The following NUBPL variants were observed in gnomAD, a reference collection of about 807,000 sequenced individuals.
NUBPL encodes NUBP iron-sulfur cluster assembly factor, mitochondrial, also known as iron-sulfur cluster transfer protein NUBPL.
Under a neutral mutation model 45.7 loss-of-function variants are expected in NUBPL, and 31 were observed. That is an observed-to-expected ratio of 0.68 (90% CI 0.51 to 0.92). NUBPL has a LOEUF of 0.92. Ranked by LOEUF, NUBPL falls within the 40% of genes least tolerant of loss-of-function variation. The pLI is 0.00. For synonymous variants in NUBPL, 144 were observed against 140.9 expected, an observed-to-expected ratio of 1.02 and a Z score of -0.15; for missense variants, 401 against 398.7, an observed-to-expected ratio of 1.01 and a Z score of -0.05.
At chr14:31,788,075 A>G (rs936427757) in intron 7 of NUBPL, among the ~76,000 whole-genome samples, 3 of 151,974 alleles carry the variant, frequency 2.0e-5, no homozygotes, top group Non-Finnish European at 2.9e-5. Context: ...GACTTTTGTT[A>G]CTAGGAAGAG....
rs2040111300 is a variant in NUBPL at position 31,826,722 on chromosome 14, T to G, written c.693+8T>G. The G allele has an allele frequency of 6.2e-7, 1 of 1,611,668 alleles. No homozygotes were observed. The highest frequency in any genetic ancestry group is 1.1e-5 in the South Asian group (1 of 91,024). ...CGCAGAGTCCACGTGCCCGTAAGCG[T>G]TTACAGCTTCACTGTGAAAAATATA... On this transcript the variant is annotated splice_region_variant and intron_variant, in intron 8 of 10. Coordinates refer to ENST00000281081, the MANE Select transcript of NUBPL (RefSeq NM_025152.3).
chr14:31,733,924 A>G (rs1242334178), intron 6 of NUBPL, among the ~76,000 whole-genome samples: 1 of 152,176 alleles, frequency 6.6e-6, no homozygotes, highest in African/African-American at 2.4e-5. Flanking sequence ...GACATCATCC[A>G]TCAGCTTCAG....
chr14:31,855,875 T>G (rs768092385), intron 10 of NUBPL, among the ~76,000 whole-genome samples: 2 of 152,186 alleles, frequency 1.3e-5, no homozygotes, highest in African/African-American at 2.4e-5. Flanking sequence ...TTTGACAAAA[T>G]TATTTACCTT....
intron 2 of NUBPL, among the ~76,000 whole-genome samples, chr14:31,563,720 G>A (rs1301425133): frequency 1.3e-5 from 2 of 152,170 alleles, no homozygotes; most frequent in African/African-American, 2.4e-5. Context: ...ATGCAAATAT[G>A]CTCAGTGATT....
At position 31,828,228 on chromosome 14, in the gene NUBPL, G is replaced by A. The variant is rs1326804255; in HGVS notation, c.693+1514G>A. On this transcript the variant is annotated intron_variant, in intron 8 of 10. Transcript: ENST00000281081. ...CTCTAAAGCACCTAATTTGAGCAGT[G>A]TTACTTTGTATTATGCCCTCTAAGA... is the stretch of plus-strand genomic sequence containing the variant. 2.0e-5 allele frequency among the ~76,000 whole-genome samples: 3 copies of A among 152,272 alleles called. No individual in the cohort carries two copies. The East Asian group carries it at 5.8e-4, about 29-fold the overall frequency.
intron 6 of NUBPL, among the ~76,000 whole-genome samples, chr14:31,754,484 A>G (rs2038604394): frequency 6.6e-6 from 1 of 152,120 alleles, no homozygotes. Flanking sequence ...CTGTAGGAGA[A>G]ACAACCCAGT....
At chr14:31,562,005 TTACAGTG>T in intron 1 of NUBPL, 56 bp from the exon 2 acceptor site, 1 of 1,520,746 alleles carries the variant, frequency 6.6e-7, no homozygotes, top group Non-Finnish European at 8.9e-7. Context: ...GTTTTTGCTT[TTACAGTG>T]TGATGATGGA....
At chr14:31,708,645 G>A (rs2037504579) in intron 6 of NUBPL, among the ~76,000 whole-genome samples, 1 of 152,210 alleles carries the variant, frequency 6.6e-6, no homozygotes, top group African/African-American at 2.4e-5. Flanking sequence ...AGTCGTCCAG[G>A]ACAGGAGATT....
At chr14:31,585,253 A>G (rs1224330667) in intron 3 of NUBPL, among the ~76,000 whole-genome samples, 1 of 152,208 alleles carries the variant, frequency 6.6e-6, no homozygotes, top group Non-Finnish European at 1.5e-5. Context: ...AAAATCACAA[A>G]AAAATCTTAT....
chr14:31,623,589 C>CT lies in NUBPL; in HGVS notation c.382+24217dup, dbSNP rs148973472. 7.4e-3 allele frequency among the ~76,000 whole-genome samples: 1,134 copies of CT among 152,216 alleles called. 20 individuals are homozygous for CT. Among genetic ancestry groups the CT allele is most frequent in the African/African-American group, 0.026 (1,065 of 41,526 alleles). On this transcript the variant is annotated intron_variant, in intron 4 of 10. Transcript: ENST00000281081. ...TGAGTGAGCCCCTGTCTCTTTCTTTCTTTTTTTGCTGCCATGTAGGACGTG... is the reference window on the plus strand; with the variant it reads ...TGAGTGAGCCCCTGTCTCTTTCTTTCTTTTTTTTGCTGCCATGTAGGACGTG...
intron 3 of NUBPL, among the ~76,000 whole-genome samples, chr14:31,576,322 C>A (rs2033715299): frequency 1.3e-5 from 2 of 152,106 alleles, no homozygotes; most frequent in Non-Finnish European, 2.9e-5. Context: ...AGTGCAGTAG[C>A]ATGATTATAG....
At chr14:31,745,621 G>A (rs1457339824) in intron 6 of NUBPL, among the ~76,000 whole-genome samples, 1 of 151,782 alleles carries the variant, frequency 6.6e-6, no homozygotes, top group Non-Finnish European at 1.5e-5. Context: ...ACTGATTTTT[G>A]TATGTTGATT....
At chr14:31,688,592 GAAAAAAA>G (rs544662104) in intron 6 of NUBPL, among the ~76,000 whole-genome samples, 1 of 75,696 alleles carries the variant, frequency 1.3e-5, no homozygotes, top group African/African-American at 4.1e-5. Flanking sequence ...AGAAAAAAAA[GAAAAAAA>G]AAAAAAAAAG....
chr14:31,610,451 C>T (rs544559927), intron 4 of NUBPL, among the ~76,000 whole-genome samples: 12 of 151,786 alleles, frequency 7.9e-5, no homozygotes, highest in South Asian at 4.2e-4. Context: ...GAAAAGTCCA[C>T]GACCCAATAG....
intron 8 of NUBPL, among the ~76,000 whole-genome samples, chr14:31,829,152 TAGTG>T (rs1157665813): frequency 6.6e-6 from 1 of 152,162 alleles, no homozygotes; most frequent in East Asian, 1.9e-4. Context: ...TTGTGGGACT[TAGTG>T]GGAGTAGAAA....
At chr14:31,692,813 G>A (rs984153732) in intron 6 of NUBPL, among the ~76,000 whole-genome samples, 1 of 152,182 alleles carries the variant, frequency 6.6e-6, no homozygotes, top group African/African-American at 2.4e-5. Flanking sequence ...AAGAAATTGA[G>A]TCCCCTAAGT....
At chr14:31,841,458 C>G (rs1003222554) in intron 8 of NUBPL, among the ~76,000 whole-genome samples, 1 of 151,948 alleles carries the variant, frequency 6.6e-6, no homozygotes, top group Non-Finnish European at 1.5e-5. Context: ...AATCTCTTGC[C>G]CATTTCTTTA....
At chr14:31,647,039 A>G (rs1388439211) in intron 4 of NUBPL, among the ~76,000 whole-genome samples, 4 of 152,056 alleles carry the variant, frequency 2.6e-5, no homozygotes, top group African/African-American at 7.2e-5. Flanking sequence ...CAGTTTCAAA[A>G]TTTCTGCTTG....
rs56261350 is a variant in NUBPL at position 31,821,498 on chromosome 14, C to T, written c.608-5131C>T. Among the ~76,000 whole-genome samples, 617 of 152,278 alleles carry T rather than the reference C, an allele frequency of 4.1e-3. 5 individuals carry two copies. The highest frequency in any genetic ancestry group is 7.3e-3 in the Admixed American group (112 of 15,282). Reference sequence around the variant, plus strand: ...AAAACTACAAAGAGATATCATCTCACCCCAGTTAAAATGGCTTATGTCCAA... The same window carrying T: ...AAAACTACAAAGAGATATCATCTCATCCCAGTTAAAATGGCTTATGTCCAA... On this transcript the variant is annotated intron_variant, in intron 7 of 10. Transcript: ENST00000281081.
Sources: gnomAD v4.1 joint callset for allele counts (sites outside exome capture counted in the v4.1 genomes callset) on GRCh38, gnomAD v4.1.1 for gene constraint, MANE v1.5 for transcripts, NCBI Gene and HGNC (gene_info 2026-07-23, HGNC 2026-07-21) for gene names.